The following B3GALT5 variants were observed in gnomAD, a reference collection of about 807,000 sequenced individuals.
The protein encoded by B3GALT5 is beta-1,3-galactosyltransferase 5.
For synonymous variants in B3GALT5, 156 were observed against 158.6 expected, an observed-to-expected ratio of 0.98 and a Z score of 0.12; for missense variants, 328 against 396.6, an observed-to-expected ratio of 0.83 and a Z score of 1.47.
intron 1 of B3GALT5, among the ~76,000 whole-genome samples, chr21:39,635,487 T>C (rs2079220848): frequency 6.6e-6 from 1 of 152,192 alleles, no homozygotes; most frequent in Admixed American, 6.5e-5. Flanking sequence ...CTCTTTTTTT[T>C]GTTTTTTTGA....
chr21:39,619,690 ATTTTGT>A (rs1420922662), intron 1 of B3GALT5, among the ~76,000 whole-genome samples: 2 of 152,140 alleles, frequency 1.3e-5, no homozygotes, highest in Admixed American at 6.5e-5. Context: ...GTCATGATGT[ATTTTGT>A]TTGTTTCTGC....
At position 39,660,810 on chromosome 21, in the gene B3GALT5, G is replaced by C. The variant is rs748517728; in HGVS notation, c.251G>C (p.Arg84Thr). 15 of 1,592,612 alleles carry C rather than the reference G, an allele frequency of 9.4e-6. No homozygotes were observed. In the Admixed American group the frequency reaches 2.6e-4, roughly 28 times the overall value. Reference protein sequence around the residue: ...MAIRQTWGKERMVKGKQLKTF... With the variant: ...MAIRQTWGKETMVKGKQLKTF... ...ATCCGGCAGACGTGGGGGAAAGAGA[G>C]GATGGTGAAGGGAAAGCAGCTGAAG... is the stretch of plus-strand genomic sequence containing the variant. Residue 84 changes from arginine to threonine, a missense_variant, in exon 4 of 4, where the codon AGG becomes ACG. Physicochemically the swap from Arg to Thr is moderately conservative, Grantham distance 71. Transcript: ENST00000684187.
intron 1 of B3GALT5, among the ~76,000 whole-genome samples, chr21:39,636,370 G>A (rs2079227656): frequency 6.6e-6 from 1 of 152,150 alleles, no homozygotes; most frequent in Non-Finnish European, 1.5e-5. Flanking sequence ...GGGGCTGTGA[G>A]GAAGGAGCTG....
chr21:39,620,050 C>A (rs2123684136), intron 1 of B3GALT5, among the ~76,000 whole-genome samples: 1 of 152,202 alleles, frequency 6.6e-6, no homozygotes, highest in Middle Eastern at 3.4e-3. Flanking sequence ...GGTCTCGAAC[C>A]CCTGGCCTCA....
At chr21:39,631,874 C>G (rs2079194016) in intron 1 of B3GALT5, among the ~76,000 whole-genome samples, 1 of 152,138 alleles carries the variant, frequency 6.6e-6, no homozygotes, top group Non-Finnish European at 1.5e-5. Flanking sequence ...GGAAATGTCA[C>G]TGAGGGGGCT....
At chr21:39,655,893 T>C (rs2079438897) in intron 2 of B3GALT5, among the ~76,000 whole-genome samples, 1 of 152,124 alleles carries the variant, frequency 6.6e-6, no homozygotes, top group African/African-American at 2.4e-5. Context: ...CTTTTCCACC[T>C]TCTCCAGGGG....
intron 1 of B3GALT5, 88 bp downstream of exon 1, chr21:39,613,155 C>A: frequency 6.7e-6 from 1 of 149,530 alleles, no homozygotes; most frequent in South Asian, 1.8e-4. Flanking sequence ...GCGTGGGTGC[C>A]GGGCGCAGGG....
intron 1 of B3GALT5, among the ~76,000 whole-genome samples, chr21:39,633,377 G>A (rs1046867608): frequency 1.3e-5 from 2 of 152,174 alleles, no homozygotes; most frequent in African/African-American, 4.8e-5. Context: ...TTGCTTATAT[G>A]ACACCTGGAT....
In B3GALT5 at chr21:39,641,745, T is replaced by G. The variant is rs56198508; in HGVS notation, c.-391-4647T>G. ...TAAGTGACATTGAAAATTCTTCATATTCCATCATATAATTCTTCATATATT... is the reference window on the plus strand; with the variant it reads ...TAAGTGACATTGAAAATTCTTCATAGTCCATCATATAATTCTTCATATATT... On this transcript the variant is annotated intron_variant, in intron 1 of 3. Coordinates refer to ENST00000684187, the MANE Select transcript of B3GALT5 (RefSeq NM_001356336.2). Among the ~76,000 whole-genome samples, 360 of 152,376 alleles carry G rather than the reference T, an allele frequency of 2.4e-3. 1 individual carries two copies. The highest frequency in any genetic ancestry group is 6.8e-3 in the Middle Eastern group (2 of 294).
intron 2 of B3GALT5, among the ~76,000 whole-genome samples, chr21:39,651,214 T>C (rs2079392520): frequency 6.6e-6 from 1 of 152,236 alleles, no homozygotes; most frequent in Non-Finnish European, 1.5e-5. Flanking sequence ...TTTATGAATA[T>C]AGGCACTGTC....
intron 1 of B3GALT5, among the ~76,000 whole-genome samples, chr21:39,620,558 C>T (rs2079129107): frequency 1.3e-5 from 2 of 152,148 alleles, no homozygotes; most frequent in Middle Eastern, 3.2e-3. Flanking sequence ...TGAAGTTACG[C>T]AAAGCATGTG....
intron 1 of B3GALT5, among the ~76,000 whole-genome samples, chr21:39,645,696 G>A (rs1304024035): frequency 6.6e-6 from 1 of 152,118 alleles, no homozygotes. Flanking sequence ...AAATTGGGGG[G>A]AGTCATACTG....
chr21:39,621,627 C>A (rs1403599322), intron 1 of B3GALT5, among the ~76,000 whole-genome samples: 5 of 152,050 alleles, frequency 3.3e-5, no homozygotes, highest in Non-Finnish European at 5.9e-5. Context: ...AGGTTCTATT[C>A]CTTTTCAATG....
intron 2 of B3GALT5, among the ~76,000 whole-genome samples, chr21:39,647,407 A>G (rs1355762408): frequency 6.6e-6 from 1 of 152,128 alleles, no homozygotes; most frequent in Admixed American, 6.5e-5. Context: ...TAGAATGATC[A>G]TACTCCCTTG....
intron 1 of B3GALT5, among the ~76,000 whole-genome samples, chr21:39,621,475 G>GTT (rs920549477): frequency 2.8e-5 from 4 of 143,956 alleles, no homozygotes; most frequent in African/African-American, 7.6e-5. Flanking sequence ...GCACAAAAAG[G>GTT]TTTTTTTTTT....
chr21:39,621,534 G>A (rs1041555882), intron 1 of B3GALT5, among the ~76,000 whole-genome samples: 1 of 151,612 alleles, frequency 6.6e-6, no homozygotes, highest in African/African-American at 2.4e-5. Context: ...ATCTTTCTGG[G>A]TTGTTGCATC....
chr21:39,659,964 C>G (rs963988202), intron 3 of B3GALT5, 52 bp downstream of exon 3: 57 of 959,990 alleles, frequency 5.9e-5, no homozygotes, highest in Non-Finnish European at 6.7e-5. Context: ...TGATCCTGAA[C>G]TTGCCGAGGA....
chr21:39,651,708 C>T (rs1029550972), intron 2 of B3GALT5, among the ~76,000 whole-genome samples: 5 of 152,148 alleles, frequency 3.3e-5, no homozygotes, highest in South Asian at 2.1e-4. Context: ...ATTTTCACAT[C>T]GCACCGTAGT....
rs538705138 is a variant in B3GALT5, at chr21:39,659,573, T to C, written c.-160-180T>C. On this transcript the variant is annotated intron_variant, in intron 2 of 3. Coordinates refer to ENST00000684187, the MANE Select transcript of B3GALT5 (RefSeq NM_001356336.2). Reference sequence around the variant, plus strand: ...GGCATATTGTTACTGTTGTGGACTTTGTTTGCCTTGATCATACCCATTTTA... The same window carrying C: ...GGCATATTGTTACTGTTGTGGACTTCGTTTGCCTTGATCATACCCATTTTA... 2.0e-5 allele frequency among the ~76,000 whole-genome samples: 3 copies of C among 152,302 alleles called. No homozygotes were observed. The East Asian group carries it at 5.8e-4, about 29-fold the overall frequency.
Sources: allele counts gnomAD v4.1 joint callset (sites outside exome capture counted in the v4.1 genomes callset), GRCh38; gene constraint gnomAD v4.1.1; transcripts MANE v1.5; gene names NCBI Gene and HGNC (gene_info 2026-07-23, HGNC 2026-07-21).